The following FBXL17 variants were observed in gnomAD, a reference collection of about 807,000 sequenced individuals.
FBXL17 encodes F-box and leucine rich repeat protein 17, also known as F-box/LRR-repeat protein 17.
In FBXL17, 22 loss-of-function variants were observed where a neutral mutation model predicts 66.2. That is an observed-to-expected ratio of 0.33 (90% CI 0.24 to 0.47). The LOEUF (loss-of-function observed/expected upper bound fraction) is 0.47. Ranked by LOEUF, FBXL17 falls within the 20% of genes least tolerant of loss-of-function variation. The pLI is 1.00. For synonymous variants in FBXL17, 474 were observed against 400.5 expected (o/e 1.18, Z -2.19); for missense variants, 878 against 948.2 (o/e 0.93, Z 0.97).
intron 6 of FBXL17, among the ~76,000 whole-genome samples, chr5:108,054,806 T>C (rs1355417775): frequency 2.0e-5 from 3 of 152,156 alleles, no homozygotes; most frequent in African/African-American, 7.2e-5. Context: ...TTGGGATATA[T>C]GAAACAAAAA....
intron 4 of FBXL17, among the ~76,000 whole-genome samples, chr5:108,279,300 G>T (rs897159178): frequency 1.3e-5 from 2 of 152,018 alleles, no homozygotes; most frequent in Non-Finnish European, 2.9e-5. Context: ...GGGAACAAAA[G>T]GCATGCTTAG....
At chr5:108,330,134 C>T (rs963435676) in intron 4 of FBXL17, among the ~76,000 whole-genome samples, 5 of 152,084 alleles carry the variant, frequency 3.3e-5, no homozygotes, top group African/African-American at 1.2e-4. Flanking sequence ...CTTTATGGAT[C>T]CAGAATCATA....
chr5:108,098,047 C>A (rs1561408306), intron 6 of FBXL17, among the ~76,000 whole-genome samples: 1 of 152,088 alleles, frequency 6.6e-6, no homozygotes, highest in Middle Eastern at 3.4e-3. Context: ...GCTCATAGTA[C>A]ACACTTCTTA....
intron 5 of FBXL17, among the ~76,000 whole-genome samples, chr5:108,206,952 AAG>A (rs1754146825): frequency 6.6e-6 from 1 of 152,162 alleles, no homozygotes; most frequent in Non-Finnish European, 1.5e-5. Flanking sequence ...GTGTTTACCA[AAG>A]TAAACACTTT....
chr5:107,970,653 G>C (rs1414876388), intron 7 of FBXL17, among the ~76,000 whole-genome samples: 1 of 152,156 alleles, frequency 6.6e-6, no homozygotes, highest in Non-Finnish European at 1.5e-5. Flanking sequence ...GGCTGATCAT[G>C]GCCAAAGTCC....
rs1400039709 is a variant in FBXL17, at chr5:108,009,278, TATATATATATATATATATATATAC to T, written c.1822+11623_1822+11646del. Among the ~76,000 whole-genome samples the T allele has an allele frequency of 1.6e-4, 8 of 50,606 alleles. 3 individuals are homozygous for T. Among genetic ancestry groups the T allele is most frequent in the Non-Finnish European group, 2.6e-4 (8 of 31,034 alleles). The allele number at this position is 50,606 out of a possible 152,430, so 33.2% of individuals were successfully genotyped here. ...TCCCTGTTTTATATATATATATATA[TATATATATATATATATATATATAC>T]ATATATACATACACATATAGTTTTG... On this transcript the variant is annotated intron_variant, in intron 7 of 8. Coordinates refer to ENST00000542267, the MANE Select transcript of FBXL17 (RefSeq NM_001163315.3).
At chr5:108,025,369 A>G (rs1754762355) in intron 6 of FBXL17, among the ~76,000 whole-genome samples, 1 of 152,180 alleles carries the variant, frequency 6.6e-6, no homozygotes, top group Non-Finnish European at 1.5e-5. Flanking sequence ...TTATATTTGA[A>G]TAATAGATAT....
At chr5:108,284,463 T>C (rs1757818936) in intron 4 of FBXL17, among the ~76,000 whole-genome samples, 1 of 151,808 alleles carries the variant, frequency 6.6e-6, no homozygotes, top group Non-Finnish European at 1.5e-5. Context: ...AAGACAAATG[T>C]CACATATTCG....
chr5:107,931,747 G>A (rs1750744269), intron 7 of FBXL17, among the ~76,000 whole-genome samples: 1 of 152,070 alleles, frequency 6.6e-6, no homozygotes, highest in Admixed American at 6.6e-5. Context: ...TATTTATCCA[G>A]GTGCTCATTC....
At chr5:108,220,233 A>C (rs1754800283) in intron 5 of FBXL17, among the ~76,000 whole-genome samples, 1 of 151,984 alleles carries the variant, frequency 6.6e-6, no homozygotes, top group Non-Finnish European at 1.5e-5. Context: ...TCTTCTATGC[A>C]GTTCTCTCCA....
At chr5:108,278,278 G>A (rs1348979483) in intron 4 of FBXL17, among the ~76,000 whole-genome samples, 1 of 152,152 alleles carries the variant, frequency 6.6e-6, no homozygotes, top group Admixed American at 6.5e-5. Context: ...AACACATCCT[G>A]GGTTCCACAC....
chr5:108,066,904 A>C (rs1748136619), intron 6 of FBXL17, among the ~76,000 whole-genome samples: 1 of 152,120 alleles, frequency 6.6e-6, no homozygotes, highest in South Asian at 2.1e-4. Context: ...AAGTCTTTGA[A>C]TATTGAAAAT....
chr5:107,886,294 A>C (rs1748968047), intron 7 of FBXL17, among the ~76,000 whole-genome samples: 2 of 152,178 alleles, frequency 1.3e-5, no homozygotes, highest in Admixed American at 1.3e-4. Flanking sequence ...ACACACATAC[A>C]CAGATACATA....
intron 4 of FBXL17, chr5:108,298,918 A>T: frequency 5.3e-6 from 5 of 940,312 alleles, no homozygotes; most frequent in Non-Finnish European, 6.3e-6. Flanking sequence ...AAAGTATAGC[A>T]CACTGATTTA....
At chr5:108,041,275 C>A (rs965962455) in intron 6 of FBXL17, among the ~76,000 whole-genome samples, 9 of 152,136 alleles carry the variant, frequency 5.9e-5, no homozygotes, top group Non-Finnish European at 1.3e-4. Context: ...AAAGGAGGCT[C>A]ATGTTTAATC....
intron 1 of FBXL17, among the ~76,000 whole-genome samples, chr5:108,370,915 G>A (rs1748994144): frequency 9.2e-5 from 14 of 152,094 alleles, no homozygotes; most frequent in Admixed American, 7.2e-4. Context: ...CAAATGAATT[G>A]TGGAAGGGTG....
At chr5:108,061,490 C>T (rs1167536481) in intron 6 of FBXL17, among the ~76,000 whole-genome samples, 1 of 152,124 alleles carries the variant, frequency 6.6e-6, no homozygotes, top group Admixed American at 6.5e-5. Context: ...CATCCACAGG[C>T]TGCCCTTTCT....
chr5:108,381,849 G>T lies in FBXL17; in HGVS notation c.-158C>A, dbSNP rs1749986491. ...ACACGGGCACACACGCGACGGTGGG[G>T]GGTGGGCGTCAGCTGCGGGCCGCCG... On this transcript the variant is annotated 5_prime_UTR_variant, in exon 1 of 9. Transcript: ENST00000542267. 1 of 1,298,308 alleles carries T rather than the reference G, an allele frequency of 7.7e-7. No homozygotes were observed. Among genetic ancestry groups the T allele is most frequent in the South Asian group, 2.2e-5 (1 of 45,718 alleles). 80.4% of individuals were successfully genotyped at this position (1,298,308 alleles called of 1,614,324 possible).
intron 4 of FBXL17, among the ~76,000 whole-genome samples, chr5:108,225,727 T>C (rs1561475259): frequency 6.6e-6 from 1 of 152,216 alleles, no homozygotes; most frequent in East Asian, 1.9e-4. Flanking sequence ...CTAACAGCCC[T>C]AGCAAGCTAA....
Sources: allele counts gnomAD v4.1 joint callset (sites outside exome capture counted in the v4.1 genomes callset), GRCh38; gene constraint gnomAD v4.1.1; transcripts MANE v1.5; gene names NCBI Gene and HGNC (gene_info 2026-07-23, HGNC 2026-07-21).